The following ATR variants were observed in gnomAD, a reference collection of about 807,000 sequenced individuals.
ATR encodes the protein serine/threonine-protein kinase ATR.
A neutral mutation model predicts 305.3 loss-of-function variants in ATR; 142 were observed. The observed-to-expected ratio is 0.47, with a 90% CI of 0.41 to 0.53. ATR has a LOEUF of 0.53. Among genes scored for constraint, ATR ranks in the 20% least tolerant of loss-of-function variants. The pLI, the probability that ATR is intolerant of heterozygous loss-of-function variation, is 0.00. For synonymous variants in ATR, 1,050 were observed against 1,068.1 expected (o/e 0.98, Z 0.33); for missense variants, 2,135 against 3,133.1 (o/e 0.68, Z 7.60).
At chr3:142,504,928 T>C (rs944926355) in intron 29 of ATR, among the ~76,000 whole-genome samples, 56 of 151,410 alleles carry the variant, frequency 3.7e-4, no homozygotes, top group Non-Finnish European at 8.8e-5. Flanking sequence ...ACGCCTGTAA[T>C]CCCAGCTACT....
intron 23 of ATR, among the ~76,000 whole-genome samples, chr3:142,522,248 C>T (rs2033176271): frequency 2.0e-5 from 3 of 152,164 alleles, no homozygotes; most frequent in Admixed American, 2.0e-4. Flanking sequence ...TGCTATTGCA[C>T]ACCTGACAGA....
At chr3:142,469,191 T>A (rs891535047) in intron 38 of ATR, 146 bp downstream of exon 38, 1 of 593,082 alleles carries the variant, frequency 1.7e-6, no homozygotes, top group African/African-American at 1.9e-5. Context: ...GCTATAAATT[T>A]CTCTCTTTAA....
At chr3:142,505,616 T>C (rs995392866) in intron 28 of ATR, among the ~76,000 whole-genome samples, 6 of 152,342 alleles carry the variant, frequency 3.9e-5, no homozygotes, top group East Asian at 1.9e-4. Context: ...CTGTTGAGTA[T>C]AGCTTATAAG....
intron 22 of ATR, among the ~76,000 whole-genome samples, chr3:142,523,397 G>A (rs577037294): frequency 3.2e-4 from 49 of 152,148 alleles, no homozygotes; most frequent in African/African-American, 1.2e-3. Flanking sequence ...TCCAGCCTGG[G>A]TGACAGAGCG....
At chr3:142,532,844 T>C (rs1167064153) in intron 21 of ATR, among the ~76,000 whole-genome samples, 1 of 152,202 alleles carries the variant, frequency 6.6e-6, no homozygotes, top group Non-Finnish European at 1.5e-5. Context: ...CTTTTGCATC[T>C]GTTGTCTCAT....
At chr3:142,536,808 A>C (rs1318236580) in intron 19 of ATR, among the ~76,000 whole-genome samples, 4 of 152,228 alleles carry the variant, frequency 2.6e-5, no homozygotes, top group African/African-American at 9.6e-5. Flanking sequence ...CATTGTTTTA[A>C]GATACTAGGT....
chr3:142,485,655 A>T (rs900798686), intron 35 of ATR, among the ~76,000 whole-genome samples: 1 of 152,194 alleles, frequency 6.6e-6, no homozygotes, highest in Non-Finnish European at 1.5e-5. Flanking sequence ...TATATCATGA[A>T]AGGCATTTTT....
chr3:142,498,778 A>G lies in ATR; in HGVS notation c.5381-4T>C, dbSNP rs2108341955. 1 of 1,613,928 alleles carries G rather than the reference A, an allele frequency of 6.2e-7. No homozygotes were observed. Among genetic ancestry groups the G allele is most frequent in the Non-Finnish European group, 8.5e-7 (1 of 1,179,878 alleles). ...CTCCATGTTGTAGATTTTCCATCTGAAAAACAAATGAAGAGTCAAGAAATG... is the reference window on the plus strand; with the variant it reads ...CTCCATGTTGTAGATTTTCCATCTGGAAAACAAATGAAGAGTCAAGAAATG... On this transcript the variant is annotated splice_polypyrimidine_tract_variant and splice_region_variant and intron_variant, in intron 31 of 46. Coordinates refer to ENST00000350721, the MANE Select transcript of ATR (RefSeq NM_001184.4).
At chr3:142,537,103 C>A (rs1350005427) in intron 19 of ATR, among the ~76,000 whole-genome samples, 1 of 152,120 alleles carries the variant, frequency 6.6e-6, no homozygotes, top group African/African-American at 2.4e-5. Flanking sequence ...ATAAACAAAG[C>A]CAAAGTAGTG....
intron 29 of ATR, 117 bp downstream of exon 29, chr3:142,505,022 C>T (rs2032166019): frequency 1.6e-6 from 2 of 1,280,244 alleles, no homozygotes; most frequent in Admixed American, 4.0e-5. Context: ...CCAGCCTGGC[C>T]AACAGAGCGA....
At chr3:142,451,713 G>T in intron 46 of ATR, 1 of 1,181,078 alleles carries the variant, frequency 8.5e-7, no homozygotes, top group South Asian at 1.7e-5. Flanking sequence ...CCAAGTAGCT[G>T]GGACTACAGG....
intron 17 of ATR, 41 bp from the exon 18 acceptor site, chr3:142,541,075 A>G (rs367570436): frequency 8.1e-6 from 13 of 1,610,336 alleles, no homozygotes; most frequent in East Asian, 4.5e-5. Flanking sequence ...GCTTATAAAC[A>G]TGCTGCCAGA....
intron 24 of ATR, among the ~76,000 whole-genome samples, chr3:142,516,984 A>AATAT (rs534243837): frequency 0.089 from 12,366 of 138,958 alleles, 599 homozygotes; most frequent in East Asian, 0.15. Flanking sequence ...ATACCCAAAT[A>AATAT]ATATATATAT....
intron 21 of ATR, among the ~76,000 whole-genome samples, chr3:142,531,869 C>T (rs548626860): frequency 6.6e-6 from 1 of 152,214 alleles, no homozygotes; most frequent in East Asian, 1.9e-4. Context: ...TACAGTCCCA[C>T]CAACAGTGTA....
At chr3:142,466,585 T>C in intron 39 of ATR, 52 bp from the exon 40 acceptor site, 1 of 1,501,710 alleles carries the variant, frequency 6.7e-7, no homozygotes, top group Non-Finnish European at 9.1e-7. Flanking sequence ...AATTCCACTA[T>C]AACAAAAATT....
Position 142,562,928 on chromosome 3 carries a change from G to A in ATR, c.474C>T (p.Tyr158=), listed in dbSNP as rs749396517. 3 of 1,613,272 alleles carry A rather than the reference G, an allele frequency of 1.9e-6. No individual in the cohort carries two copies. The highest frequency in any genetic ancestry group is 2.5e-6 in the Non-Finnish European group (3 of 1,179,798). The change falls in exon 4 of 47, where the codon TAC becomes TAT. Residue 158 remains tyrosine, a synonymous_variant. Coordinates refer to ENST00000350721, the MANE Select transcript of ATR (RefSeq NM_001184.4). The part of the protein sequence containing the change: ...ELLQLFEDLV[Y]LHRRNVMGHA... ...GACCCATCACATTTCTTCTATGGAG[G>A]TAAACCAAGTCTTCAAAAAGTTGTA...
rs537380876 is a variant in ATR at position 142,497,707 on chromosome 3, T to C, written c.5559-515A>G. ...ATGGATAAAACTAAATTCAAATGTA[T>C]GAAACCAAAATTTACCACCTAAATG... On this transcript the variant is annotated intron_variant, in intron 32 of 46. Transcript: ENST00000350721. Among the ~76,000 whole-genome samples, 280 of 152,282 alleles carry C rather than the reference T, an allele frequency of 1.8e-3. 1 individual carries two copies. The highest frequency in any genetic ancestry group is 6.5e-3 in the African/African-American group (269 of 41,566).
chr3:142,518,265 G>A (rs890671571), intron 24 of ATR, among the ~76,000 whole-genome samples: 2 of 152,208 alleles, frequency 1.3e-5, no homozygotes, highest in Non-Finnish European at 2.9e-5. Context: ...GCTCATGCCT[G>A]CAATCCCAGC....
intron 35 of ATR, among the ~76,000 whole-genome samples, chr3:142,490,944 T>C (rs1375443571): frequency 1.3e-5 from 2 of 152,182 alleles, no homozygotes; most frequent in African/African-American, 4.8e-5. Context: ...TTTACTTCTT[T>C]TTTTATTTAA....
Sources: gnomAD v4.1 joint callset for allele counts (sites outside exome capture counted in the v4.1 genomes callset) on GRCh38, gnomAD v4.1.1 for gene constraint, MANE v1.5 for transcripts, NCBI Gene and HGNC (gene_info 2026-07-23, HGNC 2026-07-21) for gene names.